DNAH7: variants seen among roughly 807,000 people sequenced by gnomAD.
DNAH7 encodes axonemal beta dynein heavy chain 7.
Under a neutral mutation model 444.6 loss-of-function variants are expected in DNAH7, and 397 were observed. The ratio of observed to expected loss-of-function variants is 0.89; its 90% CI spans 0.82 to 0.97. The LOEUF is 0.97. Among genes scored for constraint, DNAH7 ranks in the 50% least tolerant of loss-of-function variants. DNAH7 has a pLI of 0.00. For missense variants in DNAH7, 4,902 were observed against 4,800.8 expected (o/e 1.02, Z -0.62); for synonymous variants, 1,636 against 1,624.4 (o/e 1.01, Z -0.17).
chr2:196,068,048 G>GA (rs920385396), intron 1 of DNAH7, among the ~76,000 whole-genome samples: 2 of 151,758 alleles, frequency 1.3e-5, no homozygotes, highest in East Asian at 1.9e-4. Context: ...AGACAGAAAG[G>GA]AAAAAAACGA....
intron 24 of DNAH7, 27 bp from the exon 25 acceptor site, chr2:195,910,222 T>C: frequency 6.7e-7 from 1 of 1,489,174 alleles, no homozygotes; most frequent in East Asian, 2.5e-5. Context: ...AGACATTCTT[T>C]GTAGAATAAT....
intron 12 of DNAH7, chr2:195,994,529 G>C: frequency 2.0e-6 from 1 of 488,120 alleles, no homozygotes; most frequent in Non-Finnish European, 4.0e-6. Context: ...TGGGTTTAGA[G>C]ATATTCCCAT....
At position 195,866,864 on chromosome 2, in the gene DNAH7, G is replaced by A. The variant is rs1009244910; in HGVS notation, c.6634-1843C>T. 5.9e-5 allele frequency among the ~76,000 whole-genome samples: 9 copies of A among 152,256 alleles called. No individual in the cohort carries two copies. The South Asian group carries it at 1.7e-3, about 28-fold the overall frequency. On this transcript the variant is annotated intron_variant, in intron 40 of 64. Coordinates refer to ENST00000312428, the MANE Select transcript of DNAH7 (RefSeq NM_018897.3). ...ACCTGGTGGGAGGCAATTGAATCAT[G>A]GGGTGGGTCTTTCCCGTGCTGTTCT...
chr2:195,794,792 C>T (rs967406451), intron 56 of DNAH7, among the ~76,000 whole-genome samples: 1 of 152,170 alleles, frequency 6.6e-6, no homozygotes, highest in South Asian at 2.1e-4. Context: ...TACAAAAGTG[C>T]TATATAATTT....
intron 16 of DNAH7, among the ~76,000 whole-genome samples, chr2:195,970,571 C>T (rs1431499801): frequency 1.3e-5 from 2 of 151,942 alleles, no homozygotes; most frequent in Non-Finnish European, 2.9e-5. Context: ...CAAGATATTC[C>T]AAGGTTATTT....
intron 34 of DNAH7, among the ~76,000 whole-genome samples, chr2:195,885,684 A>G (rs1196284641): frequency 6.6e-6 from 1 of 152,194 alleles, no homozygotes; most frequent in Non-Finnish European, 1.5e-5. Context: ...TATTACCTAC[A>G]TATTTTCTTG....
chr2:195,985,468 G>T (rs1484255557), intron 14 of DNAH7, among the ~76,000 whole-genome samples: 1 of 152,192 alleles, frequency 6.6e-6, no homozygotes, highest in Non-Finnish European at 1.5e-5. Context: ...AAAGCAATGG[G>T]GCTGAGCTCC....
chr2:195,981,552 G>A (rs1444750171), intron 15 of DNAH7, among the ~76,000 whole-genome samples: 1 of 152,078 alleles, frequency 6.6e-6, no homozygotes, highest in African/African-American at 2.4e-5. Flanking sequence ...CACATTACCT[G>A]ATTAGAAATT....
At chr2:195,853,278 C>G in intron 46 of DNAH7, 65 bp downstream of exon 46, 1 of 1,435,828 alleles carries the variant, frequency 7.0e-7, no homozygotes, top group East Asian at 2.4e-5. Flanking sequence ...TAAAACAAAA[C>G]CTTGAAGGGT....
rs1698216470 is a variant in DNAH7 at position 195,834,238 on chromosome 2, GT to G, written c.9067del (p.Thr3023LeufsTer14). 6.2e-7 allele frequency: 1 copy of G among 1,607,134 alleles called. No individual in the cohort carries two copies. Among genetic ancestry groups the G allele is most frequent in the African/African-American group, 1.3e-5 (1 of 74,808 alleles). On this transcript the variant is annotated frameshift_variant, in exon 48 of 65. Transcript: ENST00000312428. LOFTEE classifies it high-confidence loss of function. Reference sequence around the variant, plus strand: ...ACCAAACTGGATGCAATTTTCCAGAGTCCTGACATAGTCAGGTTCACTAAGT... The same window carrying G: ...ACCAAACTGGATGCAATTTTCCAGAGCCTGACATAGTCAGGTTCACTAAGT... ...IKLSEPDYVR[T>X]LENCIQFGTP...
rs1413743219 is a variant in DNAH7, at chr2:195,740,759, T to C, written c.11868+7A>G. On this transcript the variant is annotated splice_region_variant and intron_variant, in intron 64 of 64. Transcript: ENST00000312428. ...TCCACATGTATATATAATTAGAATT[T>C]ACTAACCACAGGCACTGTATCATAA... The C allele has an allele frequency of 7.2e-7, 1 of 1,393,434 alleles. No homozygotes were observed. The highest frequency in any genetic ancestry group is 9.5e-7 in the Non-Finnish European group (1 of 1,057,204). The allele number at this position is 1,393,434 out of a possible 1,614,324, so 86.3% of individuals were successfully genotyped here. A position where few individuals can be genotyped will look rare whatever the true frequency, so the allele number is the denominator to read the frequency against.
intron 19 of DNAH7, among the ~76,000 whole-genome samples, chr2:195,944,123 TAGAAAACCAATATAATTATTGA>T (rs1689645317): frequency 6.6e-6 from 1 of 152,146 alleles, no homozygotes; most frequent in Non-Finnish European, 1.5e-5. Context: ...CAAGGAAAGT[TAGAAAACCAATATAATTATTGA>T]AGTTATGCCC....
chr2:195,742,052 A>ATAC (rs1468449411), intron 63 of DNAH7, among the ~76,000 whole-genome samples: 3 of 152,218 alleles, frequency 2.0e-5, no homozygotes, highest in Non-Finnish European at 2.9e-5. Context: ...ATATAGTATC[A>ATAC]GTTTTATTAA....
chr2:195,784,685 T>C (rs73062130), intron 58 of DNAH7, among the ~76,000 whole-genome samples: 3,518 of 152,270 alleles, frequency 0.023, 104 homozygotes, highest in African/African-American at 0.078. Context: ...GTATCTTCCA[T>C]AGTGGCTGTA....
chr2:195,742,715 T>C (rs1693118246), intron 63 of DNAH7, among the ~76,000 whole-genome samples: 1 of 152,180 alleles, frequency 6.6e-6, no homozygotes, highest in South Asian at 2.1e-4. Context: ...AGCTATGGTT[T>C]TTCTAGTTCC....
chr2:195,958,147 A>T (rs1281961145), intron 18 of DNAH7, among the ~76,000 whole-genome samples: 3 of 151,278 alleles, frequency 2.0e-5, no homozygotes, highest in Non-Finnish European at 4.4e-5. Context: ...ACTTTGCCTG[A>T]CTCTCCTGTC....
chr2:196,027,909 C>T (rs756677786), intron 6 of DNAH7, 51 bp downstream of exon 6: 5 of 1,536,536 alleles, frequency 3.3e-6, no homozygotes, highest in African/African-American at 1.4e-5. Flanking sequence ...AAATTATCTT[C>T]AAGTGTTTCT....
At chr2:196,053,671 A>T (rs1697626760) in intron 2 of DNAH7, among the ~76,000 whole-genome samples, 1 of 152,138 alleles carries the variant, frequency 6.6e-6, no homozygotes, top group African/African-American at 2.4e-5. Context: ...CACTGCTCTG[A>T]TCATACTGCT....
chr2:195,747,211 C>A (rs1275195624), intron 63 of DNAH7, among the ~76,000 whole-genome samples: 11 of 152,068 alleles, frequency 7.2e-5, no homozygotes, highest in Admixed American at 3.3e-4. Flanking sequence ...TCAGAGAATA[C>A]TACAAACACC....
Sources: allele counts gnomAD v4.1 joint callset (sites outside exome capture counted in the v4.1 genomes callset), GRCh38; gene constraint gnomAD v4.1.1; transcripts MANE v1.5; gene names NCBI Gene and HGNC (gene_info 2026-07-23, HGNC 2026-07-21).